MYLK: variants seen among roughly 807,000 people sequenced by gnomAD.
The protein encoded by MYLK is myosin light chain kinase, smooth muscle.
Under a neutral mutation model 203.4 loss-of-function variants are expected in MYLK, and 106 were observed. The ratio of observed to expected loss-of-function variants is 0.52; its 90% CI spans 0.45 to 0.61. MYLK has a LOEUF of 0.61. MYLK is among the 20% of genes least tolerant of loss of function. MYLK has a pLI of 0.00. For synonymous variants in MYLK, 867 were observed against 959.5 expected (o/e 0.90, Z 1.78); for missense variants, 2,072 against 2,442.3 (o/e 0.85, Z 3.20).
In MYLK at chr3:123,733,006, G is replaced by C. The variant is rs1274976522; in HGVS notation, c.1406C>G (p.Ser469Cys). The change falls in exon 11 of 34, where the codon TCC (serine) becomes TGC (cysteine). Residue 469 changes from serine to cysteine, a missense_variant. Ser to Cys is a moderately radical substitution (Grantham distance 112). This residue lies in a region of MYLK where 683 missense variants were observed against 643.8 expected (regional missense o/e 1.06). Transcript: ENST00000360304. ...GGCTTTCAGCAGGCAGAGGTAATGGGAGCCAGCATCTTCATAAACCTCAAT... is the reference window on the plus strand; with the variant it reads ...GGCTTTCAGCAGGCAGAGGTAATGGCAGCCAGCATCTTCATAAACCTCAAT... ...GSIEVYEDAG[S>C]HYLCLLKART... 6.2e-7 allele frequency: 1 copy of C among 1,614,176 alleles called. No homozygotes were observed. The highest frequency in any genetic ancestry group is 1.7e-5 in the Admixed American group (1 of 60,018).
intron 4 of MYLK, 29 bp from the exon 5 acceptor site, chr3:123,752,567 C>T: frequency 6.3e-7 from 1 of 1,589,308 alleles, no homozygotes; most frequent in East Asian, 2.3e-5. Context: ...AGGGTAAGAG[C>T]CTGTATTTCA....
chr3:123,804,968 A>G (rs1050937472), intron 3 of MYLK, among the ~76,000 whole-genome samples: 7 of 152,118 alleles, frequency 4.6e-5, no homozygotes, highest in Non-Finnish European at 1.0e-4. Flanking sequence ...CACTGCTGAC[A>G]GGAGGGGCTG....
Position 123,664,108 on chromosome 3 carries a change from C to T in MYLK, c.3982G>A (p.Val1328Met), listed in dbSNP as rs730880164. ...GCCACCCAGCCACCAGACTCACCCA[C>T]GACAGTGAGGTTGACCTGGGCCTGC... is the stretch of plus-strand genomic sequence containing the variant. The part of the protein sequence containing the change: ...SRQAQVNLTV[V>M]DKPDPPAGTP... Residue 1328 changes from valine (V) to methionine (M), a missense_variant, in exon 23 of 34, where the codon GTG (valine) becomes ATG (methionine). Physicochemically the swap from Val to Met is conservative, Grantham distance 21. This residue lies in a region of MYLK where 524 missense variants were observed against 782.4 expected (regional missense o/e 0.67). Coordinates refer to ENST00000360304, the MANE Select transcript of MYLK (RefSeq NM_053025.4). 4.8e-5 allele frequency: 77 copies of T among 1,613,952 alleles called. No homozygotes were observed. The highest frequency in any genetic ancestry group is 1.0e-4 in the Admixed American group (6 of 60,006).
chr3:123,612,417 A>ATTGTT lies in MYLK; in HGVS notation c.*1687_*1688insAACAA, dbSNP rs2057268241. ...ACCAAGAGAACATTAACACAATTCC[A>ATTGTT]AGAAGGCATTAACCTGTAACACACA... is the stretch of plus-strand genomic sequence containing the variant. On this transcript the variant is annotated 3_prime_UTR_variant, in exon 34 of 34. Coordinates refer to ENST00000360304, the MANE Select transcript of MYLK (RefSeq NM_053025.4). The ATTGTT allele has an allele frequency of 6.6e-6, 1 of 152,664 alleles. No individual in the cohort carries two copies. The allele number at this position is 152,664 out of a possible 1,614,324, so 9.5% of individuals were successfully genotyped here.
At chr3:123,663,890 C>T (rs1316940403) in intron 23 of MYLK, among the ~76,000 whole-genome samples, 7 of 152,156 alleles carry the variant, frequency 4.6e-5, no homozygotes. Context: ...AGGATTTCTG[C>T]CCAGCCTTGG....
At position 123,707,998 on chromosome 3, in the gene MYLK, G is replaced by A; in HGVS notation, c.2146C>T (p.His716Tyr). 1 of 1,614,084 alleles carries A rather than the reference G, an allele frequency of 6.2e-7. No homozygotes were observed. The highest frequency in any genetic ancestry group is 8.5e-7 in the Non-Finnish European group (1 of 1,179,994). ...ATGAACCAGGGCTGGGTGCCATCGT[G>A]AGGCTCTGGAAATTGGCAAAGGGCA... ...TQAVLTVQEP[H>Y]DGTQPWFISK... is the part of the protein sequence containing the mutation. Residue 716 changes from histidine to tyrosine, a missense_variant, in exon 16 of 34, where the codon CAC (histidine) becomes TAC (tyrosine). Physicochemically the swap from His to Tyr is moderately conservative, Grantham distance 83 (BLOSUM62 2). Around this residue, in one of 3 missense-constraint regions of MYLK, gnomAD observed 865 missense variants for 1,016.0 expected, o/e 0.85. Coordinates refer to ENST00000360304, the MANE Select transcript of MYLK (RefSeq NM_053025.4).
chr3:123,668,286 G>T (rs1449486209), intron 20 of MYLK, among the ~76,000 whole-genome samples: 1 of 152,164 alleles, frequency 6.6e-6, no homozygotes, highest in Admixed American at 6.5e-5. Flanking sequence ...AAACTAGAAG[G>T]TATCCAAATG....
intron 1 of MYLK, among the ~76,000 whole-genome samples, chr3:123,881,756 C>T (rs1433661017): frequency 6.6e-6 from 1 of 152,180 alleles, no homozygotes; most frequent in African/African-American, 2.4e-5. Context: ...CTCAAAGACA[C>T]TGAGTATATG....
rs923797303 is a variant in MYLK at position 123,737,426 on chromosome 3, C to T, written c.706G>A (p.Val236Met). 4 of 1,614,050 alleles carry T rather than the reference C, an allele frequency of 2.5e-6. No homozygotes were observed. In the Admixed American group the frequency reaches 6.7e-5, roughly 27 times the overall value. The change falls in exon 8 of 34, where the codon GTG (valine) becomes ATG (methionine). Residue 236 changes from valine (V) to methionine (M), a missense_variant. By Grantham distance (21) the Val-to-Met change is conservative. Coordinates refer to ENST00000360304, the MANE Select transcript of MYLK (RefSeq NM_053025.4). ...ATCGAGGCCTTCCCCGACCCGTTCACCACCAGGCACGTGTACACTCCCACG... is the reference window on the plus strand; with the variant it reads ...ATCGAGGCCTTCCCCGACCCGTTCATCACCAGGCACGTGTACACTCCCACG... The part of the protein sequence containing the change: ...DDVGVYTCLV[V>M]NGSGKASMSA...
At position 123,735,743 on chromosome 3, in the gene MYLK, G is replaced by A. The variant is rs184834555; in HGVS notation, c.755-327C>T. ...ACTGAAAATTCCAAACCCAAATGCT[G>A]TAACTTACCAGTGTACAGAAAAGCA... is the stretch of plus-strand genomic sequence containing the variant. On this transcript the variant is annotated intron_variant, in intron 8 of 33. Coordinates refer to ENST00000360304, the MANE Select transcript of MYLK (RefSeq NM_053025.4). The A allele has an allele frequency of 1.5e-3, 517 of 354,296 alleles. 2 individuals are homozygous for A. Among genetic ancestry groups the A allele is most frequent in the African/African-American group, 9.9e-3 (484 of 48,984 alleles). The allele number at this position is 354,296 out of a possible 1,614,324, so 21.9% of individuals were successfully genotyped here.
In MYLK at chr3:123,667,142, T is replaced by G. The variant is rs749836430; in HGVS notation, c.3698A>C (p.Lys1233Thr). 7 of 1,613,964 alleles carry G rather than the reference T, an allele frequency of 4.3e-6. No homozygotes were observed. The South Asian group carries it at 7.7e-5, about 18-fold the overall frequency. ...ATAGTGCCGTGGCCAATTACCTGCCTTCGGAGGTGTCTTGGGGGCAGGTTT... is the reference window on the plus strand; with the variant it reads ...ATAGTGCCGTGGCCAATTACCTGCCGTCGGAGGTGTCTTGGGGGCAGGTTT... The part of the protein sequence containing the change: ...KKKPAPKTPP[K>T]AAMPPQIIQF... Residue 1233 changes from lysine to threonine, a missense_variant, in exon 21 of 34, where the codon AAG (lysine) becomes ACG (threonine). This residue lies in a region of MYLK where 865 missense variants were observed against 1,016.0 expected (regional missense o/e 0.85). Transcript: ENST00000360304.
rs2058320799 is a variant in MYLK at position 123,629,527 on chromosome 3, C to A, written c.5061G>T (p.Glu1687Asp). 1 of 1,614,108 alleles carries A rather than the reference C, an allele frequency of 6.2e-7. No homozygotes were observed. Among genetic ancestry groups the A allele is most frequent in the African/African-American group, 1.3e-5 (1 of 74,932 alleles). Residue 1687 changes from glutamate to aspartate, a missense_variant, in exon 30 of 34, where the codon GAG (glutamate) becomes GAT (aspartate). Glu to Asp is a conservative substitution (Grantham distance 45). Transcript: ENST00000360304. The surrounding 1 kb of genome is among the most constrained non-coding windows in gnomAD (Gnocchi z 4.4). ...TWDFDDEAFDEISDDAKDFIS... is the reference protein window; with the variant it reads ...TWDFDDEAFDDISDDAKDFIS... ...TGAAATCCTTGGCATCGTCGGAGATCTCATCGAATGCCTCGTCGTCGAAGT... is the reference window on the plus strand; with the variant it reads ...TGAAATCCTTGGCATCGTCGGAGATATCATCGAATGCCTCGTCGTCGAAGT...
At chr3:123,711,495 C>T (rs2108663393) in intron 13 of MYLK, among the ~76,000 whole-genome samples, 1 of 152,290 alleles carries the variant, frequency 6.6e-6, no homozygotes, top group Admixed American at 6.5e-5. Context: ...GGTGAACAGC[C>T]TTTCCTCATG....
At chr3:123,847,853 GTTC>G (rs2030218719) in intron 2 of MYLK, among the ~76,000 whole-genome samples, 1 of 151,728 alleles carries the variant, frequency 6.6e-6, no homozygotes, top group Non-Finnish European at 1.5e-5. Flanking sequence ...CCTTTCTTGT[GTTC>G]TTCTTGTCTT....
intron 27 of MYLK, among the ~76,000 whole-genome samples, chr3:123,645,113 A>C (rs1261005274): frequency 6.6e-6 from 1 of 151,748 alleles, no homozygotes; most frequent in Non-Finnish European, 1.5e-5. Flanking sequence ...GTATCATACT[A>C]CTAACAATAA....
At chr3:123,872,323 T>C (rs953316383) in intron 2 of MYLK, among the ~76,000 whole-genome samples, 1 of 152,138 alleles carries the variant, frequency 6.6e-6, no homozygotes, top group Non-Finnish European at 1.5e-5. Flanking sequence ...CACCCAGCTA[T>C]GTGGAGTTTT....
At chr3:123,704,590 A>G (rs1168519567) in intron 16 of MYLK, among the ~76,000 whole-genome samples, 2 of 152,032 alleles carry the variant, frequency 1.3e-5, no homozygotes, top group Non-Finnish European at 2.9e-5. Context: ...GATGGGTTCT[A>G]TATGGAAAAA....
intron 21 of MYLK, 191 bp downstream of exon 21, chr3:123,666,939 ACCAGGAG>A: frequency 1.6e-6 from 1 of 619,246 alleles, no homozygotes; most frequent in Non-Finnish European, 2.9e-6. Flanking sequence ...GTGGAAGGGG[ACCAGGAG>A]CCAGGCTGTG....
intron 2 of MYLK, among the ~76,000 whole-genome samples, chr3:123,839,816 CAAATT>C (rs2066550122): frequency 6.6e-6 from 1 of 152,094 alleles, no homozygotes; most frequent in African/African-American, 2.4e-5. Context: ...AAACCTGAAT[CAAATT>C]AAAAGAAGTG....
Sources: gnomAD v4.1 joint callset for allele counts (sites outside exome capture counted in the v4.1 genomes callset) on GRCh38, gnomAD v4.1.1 for gene constraint, gnomAD v4.1.1 regional missense constraint, Gnocchi (gnomAD v3.1) non-coding constraint, MANE v1.5 for transcripts, NCBI Gene and HGNC (gene_info 2026-07-23, HGNC 2026-07-21) for gene names.